The following RIMS1 variants were observed in gnomAD, a reference collection of about 807,000 sequenced individuals.
RIMS1 encodes the protein regulating synaptic membrane exocytosis protein 1.
A neutral mutation model predicts 214.1 loss-of-function variants in RIMS1; 83 were observed. That is an observed-to-expected ratio of 0.39 (90% confidence interval 0.32 to 0.47). The LOEUF is 0.47. Ranked by LOEUF, RIMS1 falls within the 20% of genes least tolerant of loss-of-function variation. The probability of loss-of-function intolerance (pLI) is 0.99; values close to 1 mark genes in which losing one functional copy is unlikely to be tolerated. For missense variants in RIMS1, 2,050 were observed against 2,161.8 expected (o/e 0.95, Z 1.03); for synonymous variants, 793 against 786.8 (o/e 1.01, Z -0.13).
intron 29 of RIMS1, among the ~76,000 whole-genome samples, chr6:72,347,075 A>T (rs2097290939): frequency 6.6e-6 from 1 of 151,802 alleles, no homozygotes; most frequent in Admixed American, 6.6e-5. Context: ...TATACCTGTC[A>T]TGTTTACATT....
chr6:72,282,884 A>C (rs2090830516), intron 23 of RIMS1, among the ~76,000 whole-genome samples: 1 of 152,080 alleles, frequency 6.6e-6, no homozygotes, highest in African/African-American at 2.4e-5. Context: ...CATGAGTCTG[A>C]AAACACACAG....
intron 4 of RIMS1, among the ~76,000 whole-genome samples, chr6:72,171,111 C>G (rs2046968070): frequency 6.6e-6 from 1 of 151,984 alleles, no homozygotes; most frequent in African/African-American, 2.4e-5. Flanking sequence ...AACCATGATT[C>G]AGTATTCATT....
chr6:72,126,744 G>A, intron 4 of RIMS1: 1 of 216,886 alleles, frequency 4.6e-6, no homozygotes, highest in East Asian at 1.4e-4. Context: ...CTGCAAGAAT[G>A]GCTGTAATTA....
At chr6:72,333,419 A>G (rs1189367204) in intron 28 of RIMS1, among the ~76,000 whole-genome samples, 181 bp from the exon 29 acceptor site, 2 of 151,882 alleles carry the variant, frequency 1.3e-5, no homozygotes, top group African/African-American at 2.4e-5. Flanking sequence ...CATGTCTAGT[A>G]ATAAATACTT....
intron 1 of RIMS1, among the ~76,000 whole-genome samples, chr6:71,962,434 T>TC (rs1645347572): frequency 6.6e-6 from 1 of 152,118 alleles, no homozygotes; most frequent in Non-Finnish European, 1.5e-5. Context: ...GCACCTATCT[T>TC]CCATGCCTTT....
chr6:72,313,409 T>G, intron 27 of RIMS1, 97 bp from the exon 28 acceptor site: 1 of 1,028,536 alleles, frequency 9.7e-7, no homozygotes. Context: ...AAGGTACACC[T>G]TTATTTGGTG....
At chr6:72,272,855 A>G (rs2154191032) in intron 22 of RIMS1, among the ~76,000 whole-genome samples, 1 of 152,252 alleles carries the variant, frequency 6.6e-6, no homozygotes, top group African/African-American at 2.4e-5. Context: ...TTTTACAACT[A>G]TTTCTTCATT....
intron 2 of RIMS1, among the ~76,000 whole-genome samples, chr6:71,982,185 T>A (rs991951342): frequency 3.9e-5 from 6 of 152,160 alleles, no homozygotes; most frequent in African/African-American, 1.2e-4. Flanking sequence ...CCATCTATTA[T>A]CCTTTGAAGC....
chr6:71,890,911 A>G (rs1242514584), intron 1 of RIMS1, among the ~76,000 whole-genome samples: 1 of 152,100 alleles, frequency 6.6e-6, no homozygotes, highest in East Asian at 1.9e-4. Context: ...TCCTAAACTG[A>G]CTCACATAAC....
chr6:72,019,039 G>A (rs1813704613), intron 2 of RIMS1, among the ~76,000 whole-genome samples: 2 of 152,094 alleles, frequency 1.3e-5, no homozygotes, highest in African/African-American at 4.8e-5. Context: ...TTCCTGCCCT[G>A]TGTTGATGTA....
At chr6:72,260,963 C>T in intron 19 of RIMS1, 196 bp downstream of exon 19, 43 of 1,372,124 alleles carry the variant, frequency 3.1e-5, no homozygotes, top group Non-Finnish European at 4.1e-5. Context: ...AGGCTGACTG[C>T]TTTGCCATCT....
At chr6:72,112,254 C>T (rs1587280437) in intron 4 of RIMS1, among the ~76,000 whole-genome samples, 2 of 152,236 alleles carry the variant, frequency 1.3e-5, no homozygotes, top group East Asian at 1.9e-4. Context: ...CAAACTGGTC[C>T]AAGACACCAT....
At chr6:72,361,617 A>C (rs2097829002) in intron 29 of RIMS1, among the ~76,000 whole-genome samples, 1 of 152,182 alleles carries the variant, frequency 6.6e-6, no homozygotes, top group Non-Finnish European at 1.5e-5. Flanking sequence ...AATTAAGAGT[A>C]ATTATAAATA....
At chr6:71,926,099 C>T (rs2150830857) in intron 1 of RIMS1, among the ~76,000 whole-genome samples, 1 of 152,290 alleles carries the variant, frequency 6.6e-6, no homozygotes, top group South Asian at 2.1e-4. Context: ...CCCAGTCTCA[C>T]TCTGTCACCA....
At chr6:72,171,047 C>A (rs1457529082) in intron 4 of RIMS1, among the ~76,000 whole-genome samples, 1 of 151,874 alleles carries the variant, frequency 6.6e-6, no homozygotes, top group Non-Finnish European at 1.5e-5. Context: ...ATAATGAGAA[C>A]GTCAGCAAAT....
At chr6:72,029,159 AC>A (rs1484532035) in intron 2 of RIMS1, among the ~76,000 whole-genome samples, 2 of 152,106 alleles carry the variant, frequency 1.3e-5, no homozygotes, top group Admixed American at 1.3e-4. Flanking sequence ...TGATCCTATC[AC>A]CTCTCTTTCT....
intron 4 of RIMS1, among the ~76,000 whole-genome samples, chr6:72,162,899 T>G (rs1358801940): frequency 2.2e-5 from 3 of 138,162 alleles, no homozygotes; most frequent in South Asian, 2.5e-4. Context: ...TATCTTTGTG[T>G]CATTCTCTGT....
intron 2 of RIMS1, among the ~76,000 whole-genome samples, chr6:72,077,990 C>G (rs1404963079): frequency 6.6e-6 from 1 of 152,102 alleles, no homozygotes; most frequent in East Asian, 1.9e-4. Context: ...ATAACACAAT[C>G]CCCCCTTGCC....
chr6:72,372,124 G>T (rs1299498872), intron 29 of RIMS1, among the ~76,000 whole-genome samples: 2 of 152,150 alleles, frequency 1.3e-5, no homozygotes, highest in African/African-American at 4.8e-5. Context: ...AAGCCTGTTT[G>T]AAATTTCTGG....
Sources: allele counts gnomAD v4.1 joint callset (sites outside exome capture counted in the v4.1 genomes callset), GRCh38; gene constraint gnomAD v4.1.1; transcripts MANE v1.5; gene names NCBI Gene and HGNC (gene_info 2026-07-23, HGNC 2026-07-21).